The following LRIG1 variants were observed in gnomAD, a reference collection of about 807,000 sequenced individuals.
The protein encoded by LRIG1 is leucine-rich repeats and immunoglobulin-like domains protein 1.
A neutral mutation model predicts 99.2 loss-of-function variants in LRIG1; 48 were observed. The ratio of observed to expected loss-of-function variants is 0.48; its 90% CI spans 0.38 to 0.62. LRIG1 has a LOEUF of 0.62. Among genes scored for constraint, LRIG1 ranks in the 20% least tolerant of loss-of-function variants. LRIG1 has a pLI of 0.00. For missense variants in LRIG1, 1,646 were observed against 1,434.4 expected, an observed-to-expected ratio of 1.15 and a Z score of -2.38; for synonymous variants, 772 against 596.1, an observed-to-expected ratio of 1.29 and a Z score of -4.30.
chr3:66,483,828 A>G (rs1434139762), intron 1 of LRIG1, among the ~76,000 whole-genome samples: 2 of 152,212 alleles, frequency 1.3e-5, no homozygotes, highest in African/African-American at 4.8e-5. Context: ...AACGCAACAC[A>G]GAGGAGAGCG....
intron 1 of LRIG1, among the ~76,000 whole-genome samples, chr3:66,473,959 C>G (rs911910269): frequency 2.6e-5 from 4 of 152,146 alleles, no homozygotes; most frequent in African/African-American, 9.7e-5. Flanking sequence ...TCGTGAAACA[C>G]TCTAAATTTA....
chr3:66,489,782 C>T (rs1701060768), intron 1 of LRIG1, among the ~76,000 whole-genome samples: 1 of 152,152 alleles, frequency 6.6e-6, no homozygotes, highest in Non-Finnish European at 1.5e-5. Context: ...GGACGAAACC[C>T]CAACGTCTCC....
chr3:66,461,593 T>G (rs953887635), intron 2 of LRIG1, among the ~76,000 whole-genome samples: 13 of 152,214 alleles, frequency 8.5e-5, no homozygotes, highest in Non-Finnish European at 1.6e-4. Context: ...GTACATGTAA[T>G]AGTTTTCACT....
chr3:66,382,501 C>A (rs1480013452), intron 15 of LRIG1, 103 bp from the exon 16 acceptor site: 2 of 1,342,402 alleles, frequency 1.5e-6, no homozygotes, highest in Non-Finnish European at 1.1e-6. Flanking sequence ...CAGTGACGAC[C>A]ATCAGCGCTG....
intron 1 of LRIG1, among the ~76,000 whole-genome samples, chr3:66,492,461 C>T (rs776751028): frequency 6.6e-6 from 1 of 151,908 alleles, no homozygotes; most frequent in Non-Finnish European, 1.5e-5. Context: ...CCCTGCATTA[C>T]GTTCATCGTG....
chr3:66,380,755 T>C lies in LRIG1; in HGVS notation c.2877A>G (p.Pro959=), dbSNP rs778033216. ...PQPVSRDSAQ[P]SAPNGPEPGG... Reference sequence around the variant, plus strand: ...CCGGCTCCGGGCCATTTGGCGCACTTGGCTGTGCGCTGTCTCTGGACACAG... The same window carrying C: ...CCGGCTCCGGGCCATTTGGCGCACTCGGCTGTGCGCTGTCTCTGGACACAG... Residue 959 remains proline, a synonymous_variant, in exon 18 of 19, where the codon CCA becomes CCG. Coordinates refer to ENST00000273261, the MANE Select transcript of LRIG1 (RefSeq NM_015541.3). 3.6e-5 allele frequency: 58 copies of C among 1,614,184 alleles called. No homozygotes were observed. The highest frequency in any genetic ancestry group is 4.7e-5 in the Non-Finnish European group (56 of 1,180,030).
Position 66,410,275 on chromosome 3 carries a change from G to A in LRIG1, c.792-3C>T, listed in dbSNP as rs747840136. The A allele has an allele frequency of 1.3e-5, 21 of 1,601,118 alleles. No homozygotes were observed. In the South Asian group the frequency reaches 2.0e-4, roughly 15 times the overall value. On this transcript the variant is annotated splice_region_variant and splice_polypyrimidine_tract_variant and intron_variant, in intron 6 of 18. Coordinates refer to ENST00000273261, the MANE Select transcript of LRIG1 (RefSeq NM_015541.3). ...CCAGGCTGTTGTACTCCAGGTGCCT[G>A]CAATGACAGCCATGCACAGGATGAA...
chr3:66,500,379 C>T lies in LRIG1; in HGVS notation c.29G>A (p.Gly10Glu). Residue 10 changes from glycine to glutamate, a missense_variant, in exon 1 of 19, where the codon GGG (glycine) becomes GAG (glutamate). Physicochemically the swap from Gly to Glu is moderately conservative, Grantham distance 98 (BLOSUM62 -2). Coordinates refer to ENST00000273261, the MANE Select transcript of LRIG1 (RefSeq NM_015541.3). Reference protein sequence around the residue: MARPVRGGLGAPRRSPCLLL... With the variant: MARPVRGGLEAPRRSPCLLL... The stretch of plus-strand genomic sequence containing the variant: ...AAGGCAAGGCGAGCGGCGCGGGGCC[C>T]CGAGCCCTCCCCGGACCGGCCGCGC... 3 of 1,469,740 alleles carry T rather than the reference C, an allele frequency of 2.0e-6. No individual in the cohort carries two copies. Among genetic ancestry groups the T allele is most frequent in the Non-Finnish European group, 2.7e-6 (3 of 1,118,270 alleles). 91.0% of individuals were successfully genotyped at this position (1,469,740 alleles called of 1,614,324 possible). A position where few individuals can be genotyped will look rare whatever the true frequency, so the allele number is the denominator to read the frequency against.
At chr3:66,481,796 G>A (rs951729525) in intron 1 of LRIG1, among the ~76,000 whole-genome samples, 9 of 152,140 alleles carry the variant, frequency 5.9e-5, no homozygotes, top group South Asian at 4.1e-4. Flanking sequence ...GAGAATGCTC[G>A]TTCAGTGCAC....
intron 1 of LRIG1, among the ~76,000 whole-genome samples, chr3:66,486,138 G>C (rs979388044): frequency 1.3e-5 from 2 of 152,128 alleles, no homozygotes; most frequent in East Asian, 3.8e-4. Context: ...GATATATCCT[G>C]CTGCAGAAAG....
intron 8 of LRIG1, chr3:66,405,716 G>T (rs755674448): frequency 7.2e-6 from 8 of 1,103,594 alleles, no homozygotes; most frequent in Non-Finnish European, 8.9e-6. Context: ...GGAAGAAAGA[G>T]ACCCGGCACA....
chr3:66,396,237 T>A (rs1701844102), intron 11 of LRIG1, among the ~76,000 whole-genome samples: 1 of 152,124 alleles, frequency 6.6e-6, no homozygotes, highest in Non-Finnish European at 1.5e-5. Flanking sequence ...AGAGGATACA[T>A]GGGGAGGGCC....
chr3:66,385,089 GGATAACC>G (rs1220399315), intron 13 of LRIG1, among the ~76,000 whole-genome samples: 1 of 152,148 alleles, frequency 6.6e-6, no homozygotes. Flanking sequence ...TTAGTAATCA[GGATAACC>G]CCATTAGGTT....
rs780285091 is a variant in LRIG1 at position 66,410,164 on chromosome 3, G to C, written c.900C>G (p.Arg300=). Residue 300 remains arginine (R), a synonymous_variant, in exon 7 of 19, where the codon CGC becomes CGG. Transcript: ENST00000273261. ...LSNNSIARIH[R]KGWSFCQKLH... is the part of the protein sequence containing the mutation. ...GCTTCTGGCAGAAGCTCCAGCCCTT[G>C]CGGTGAATGCGAGCGATGGAATTGT... 2 of 1,614,108 alleles carry C rather than the reference G, an allele frequency of 1.2e-6. No homozygotes were observed. Among genetic ancestry groups the C allele is most frequent in the East Asian group, 4.5e-5 (2 of 44,888 alleles).
chr3:66,409,188 A>T (rs1006390395), intron 7 of LRIG1, among the ~76,000 whole-genome samples: 1 of 152,156 alleles, frequency 6.6e-6, no homozygotes, highest in Non-Finnish European at 1.5e-5. Context: ...CTAGAAAAGG[A>T]AGAAAAAAAC....
At chr3:66,407,635 C>CA (rs1702323446) in intron 7 of LRIG1, 144 bp from the exon 8 acceptor site, 12 of 596,680 alleles carry the variant, frequency 2.0e-5, no homozygotes, top group African/African-American at 1.1e-4. Flanking sequence ...ACACACACAC[C>CA]CACACCCACA....
At chr3:66,406,350 A>G (rs1331726318) in intron 8 of LRIG1, 1 of 985,564 alleles carries the variant, frequency 1.0e-6, no homozygotes. Flanking sequence ...CCTGGCTGCC[A>G]AAGTTTTTCT....
intron 3 of LRIG1, among the ~76,000 whole-genome samples, chr3:66,423,734 T>C (rs1026994168): frequency 1.3e-5 from 2 of 152,194 alleles, no homozygotes; most frequent in Non-Finnish European, 2.9e-5. Context: ...TGTGGAACAA[T>C]ATGCCTTGAG....
At chr3:66,486,493 G>A (rs1700978112) in intron 1 of LRIG1, among the ~76,000 whole-genome samples, 1 of 152,102 alleles carries the variant, frequency 6.6e-6, no homozygotes, top group South Asian at 2.1e-4. Flanking sequence ...TGAAGACCCT[G>A]AAATACTGCA....
Sources: gnomAD v4.1 joint callset for allele counts (sites outside exome capture counted in the v4.1 genomes callset) on GRCh38, gnomAD v4.1.1 for gene constraint, MANE v1.5 for transcripts, NCBI Gene and HGNC (gene_info 2026-07-23, HGNC 2026-07-21) for gene names.